ROPN1L: variants seen among roughly 807,000 people sequenced by gnomAD.
ROPN1L encodes ropporin-1-like protein.
Under a neutral mutation model 22.7 loss-of-function variants are expected in ROPN1L, and 23 were observed. The observed-to-expected ratio is 1.01, with a 90% CI of 0.73 to 1.43. The LOEUF (loss-of-function observed/expected upper bound fraction) is 1.43, where lower values mean the gene tolerates loss of function less well. ROPN1L is among the 40% of genes most tolerant of loss of function. The probability of loss-of-function intolerance (pLI) is 0.00; values close to 1 mark genes in which losing one functional copy is unlikely to be tolerated. For missense variants in ROPN1L, 271 were observed against 291.5 expected (o/e 0.93, Z 0.51); for synonymous variants, 116 against 117.8 (o/e 0.98, Z 0.10).
chr5:10,478,640 C>T, the ROPN1L span, among the ~76,000 whole-genome samples: 2 of 152,126 alleles, frequency 1.3e-5, no homozygotes, highest in African/African-American at 2.4e-5. Context: ...GGGCAGCAGT[C>T]GTTGGATTTA....
Position 10,463,578 on chromosome 5 carries a change from G to C in ROPN1L, c.594-1270G>C, listed in dbSNP as rs780953891. 6.2e-4 allele frequency among the ~76,000 whole-genome samples: 95 copies of C among 152,200 alleles called. 1 individual carries two copies. Among genetic ancestry groups the C allele is most frequent in the Non-Finnish European group, 3.1e-4 (21 of 68,036 alleles). The stretch of plus-strand genomic sequence containing the variant: ...TGAGGTCTTCCCGGCACTTCCCCTT[G>C]GGACCACTGCCCCCCAAGTGCTGGT... On this transcript the variant is annotated intron_variant, in intron 4 of 4. Coordinates refer to ENST00000274134, the MANE Select transcript of ROPN1L (RefSeq NM_031916.5).
intron 4 of ROPN1L, among the ~76,000 whole-genome samples, chr5:10,470,419 C>T (rs909239016): frequency 3.9e-5 from 6 of 152,246 alleles, no homozygotes; most frequent in African/African-American, 1.2e-4. Flanking sequence ...TGCCCAGGGT[C>T]CAGGCCCACC....
At chr5:10,456,074 C>T (rs1261979381) in intron 3 of ROPN1L, among the ~76,000 whole-genome samples, 4 of 152,206 alleles carry the variant, frequency 2.6e-5, no homozygotes, top group African/African-American at 9.6e-5. Flanking sequence ...AACTGAAAAA[C>T]CCCACAGAGT....
intron 1 of ROPN1L, among the ~76,000 whole-genome samples, chr5:10,444,152 A>G (rs750535852): frequency 6.6e-6 from 1 of 152,218 alleles, no homozygotes; most frequent in Non-Finnish European, 1.5e-5. Context: ...GGTTTTAACC[A>G]TTATTCAAGC....
chr5:10,480,834 C>G, the ROPN1L span, among the ~76,000 whole-genome samples: 1 of 152,118 alleles, frequency 6.6e-6, no homozygotes, highest in Non-Finnish European at 1.5e-5. Flanking sequence ...CCCCTCTGAC[C>G]TCAAATTTAC....
intron 3 of ROPN1L, among the ~76,000 whole-genome samples, 179 bp from the exon 4 acceptor site, chr5:10,460,999 CTTTCCT>C (rs1480064871): frequency 3.3e-5 from 5 of 152,120 alleles, no homozygotes; most frequent in Admixed American, 6.5e-5. Context: ...CCATTCGAAC[CTTTCCT>C]TTTCATTTTT....
chr5:10,442,548 A>G (rs1740921052), intron 1 of ROPN1L, among the ~76,000 whole-genome samples: 2 of 152,262 alleles, frequency 1.3e-5, no homozygotes, highest in South Asian at 2.1e-4. Flanking sequence ...TGGCAACTCA[A>G]TTGTTTAAAA....
At chr5:10,465,800 C>T (rs992862988), downstream of ROPN1L, among the ~76,000 whole-genome samples, 7 of 152,106 alleles carry the variant, frequency 4.6e-5, no homozygotes, top group African/African-American at 9.6e-5. Context: ...TGTAGTGAGC[C>T]GAGATCGCGC....
chr5:10,466,991 C>T (rs1296466614), downstream of ROPN1L, among the ~76,000 whole-genome samples: 1 of 152,122 alleles, frequency 6.6e-6, no homozygotes, highest in East Asian at 1.9e-4. Flanking sequence ...CTTATTAGAA[C>T]ACTGGTAATA....
chr5:10,476,428 C>G (rs569676898), downstream of ROPN1L, among the ~76,000 whole-genome samples: 1 of 152,318 alleles, frequency 6.6e-6, no homozygotes, highest in East Asian at 1.9e-4. Flanking sequence ...AAAGTAGGAA[C>G]GTGGCAGATG....
rs78650182 is a variant in ROPN1L, at chr5:10,464,787, A to C, written c.594-61A>C. 2,011 of 946,676 alleles carry C rather than the reference A, an allele frequency of 2.1e-3. 18 individuals carry two copies. In the African/African-American group the frequency reaches 0.029, roughly 14 times the overall value. 58.6% of individuals were successfully genotyped at this position (946,676 alleles called of 1,614,324 possible). On this transcript the variant is annotated intron_variant, in intron 4 of 4. Coordinates refer to ENST00000274134, the MANE Select transcript of ROPN1L (RefSeq NM_031916.5). ...TTTAAATTATATCGCATTTTATAAA[A>C]ATGTTACTAAGTATATGATGAGAAA...
At position 10,448,372 on chromosome 5, in the gene ROPN1L, T is replaced by C. The variant is rs1206270786; in HGVS notation, c.244T>C (p.Leu82=). ...TGLTQGLLKV[L]HKQCHHKRYV... ...CCTGACTCAAGGACTCCTGAAAGTT[T>C]TGCACAAGCAGGTATGGGGGGGCGT... The change falls in exon 2 of 5, where the codon TTG becomes CTG. Residue 82 remains leucine, a synonymous_variant. Coordinates refer to ENST00000274134, the MANE Select transcript of ROPN1L (RefSeq NM_031916.5). 1 of 1,614,182 alleles carries C rather than the reference T, an allele frequency of 6.2e-7. No individual in the cohort carries two copies. Among genetic ancestry groups the C allele is most frequent in the Non-Finnish European group, 8.5e-7 (1 of 1,180,028 alleles).
chr5:10,467,143 C>T (rs984277154), downstream of ROPN1L, among the ~76,000 whole-genome samples: 4 of 152,038 alleles, frequency 2.6e-5, no homozygotes, highest in Admixed American at 1.3e-4. Context: ...CAAGTTCCTC[C>T]GCGCCACATT....
chr5:10,446,132 A>G (rs1227585455), intron 1 of ROPN1L, among the ~76,000 whole-genome samples: 4 of 152,208 alleles, frequency 2.6e-5, no homozygotes, highest in African/African-American at 9.6e-5. Context: ...CAATGAACAT[A>G]AGAATCAGTC....
chr5:10,446,159 T>G (rs865962253), intron 1 of ROPN1L, among the ~76,000 whole-genome samples: 2 of 152,322 alleles, frequency 1.3e-5, no homozygotes, highest in Middle Eastern at 6.8e-3. Context: ...TAGAGGCTGC[T>G]TTGGTTGGCG....
chr5:10,452,693 G>T (rs1028114844), intron 3 of ROPN1L, among the ~76,000 whole-genome samples: 3 of 152,082 alleles, frequency 2.0e-5, no homozygotes, highest in African/African-American at 7.2e-5. Flanking sequence ...ATTAATGTTG[G>T]TGGTTTCTGC....
chr5:10,469,517 T>C (rs1379904118), downstream of ROPN1L, among the ~76,000 whole-genome samples: 2 of 152,026 alleles, frequency 1.3e-5, no homozygotes, highest in Non-Finnish European at 2.9e-5. Context: ...CTGGCATTCA[T>C]ACGGTGTGAC....
downstream of ROPN1L, among the ~76,000 whole-genome samples, chr5:10,474,160 G>GA (rs35607791): frequency 4.3e-3 from 509 of 117,050 alleles, no homozygotes; most frequent in East Asian, 0.01. Context: ...TCAAAAAAAG[G>GA]AAAAAAAAAA....
Position 10,461,266 on chromosome 5 carries a change from C to A in ROPN1L, c.500C>A (p.Thr167Lys). The A allele has an allele frequency of 1.2e-6, 2 of 1,614,118 alleles. No homozygotes were observed. Among genetic ancestry groups the A allele is most frequent in the Non-Finnish European group, 1.7e-6 (2 of 1,179,998 alleles). The change falls in exon 4 of 5, where the codon ACG (threonine) becomes AAG (lysine). Residue 167 changes from threonine (T) to lysine (K), a missense_variant. Thr to Lys is a moderately conservative substitution (Grantham distance 78). Transcript: ENST00000274134. ...EGGPARIPFK[T>K]FSYVYRYLAR... ...GGGCCCGCTCGCATCCCCTTCAAGA[C>A]GTTTTCCTACGTTTACCGCTACTTG... is the stretch of plus-strand genomic sequence containing the variant.
Sources: allele counts gnomAD v4.1 joint callset (sites outside exome capture counted in the v4.1 genomes callset), GRCh38; gene constraint gnomAD v4.1.1; transcripts MANE v1.5; gene names NCBI Gene and HGNC (gene_info 2026-07-23, HGNC 2026-07-21).